The following ELFN2 variants were observed in gnomAD, a reference collection of about 807,000 sequenced individuals.
ELFN2 encodes extracellular leucine rich repeat and fibronectin type III domain containing 2.
In ELFN2, 17 loss-of-function variants were observed where a neutral mutation model predicts 45.5. The ratio of observed to expected loss-of-function variants is 0.37; its 90% CI spans 0.26 to 0.56. The LOEUF is 0.56. Ranked by LOEUF, ELFN2 falls within the 20% of genes least tolerant of loss-of-function variation. ELFN2 has a pLI of 0.77. For missense variants in ELFN2, 922 were observed against 1,183.2 expected, an observed-to-expected ratio of 0.78 and a Z score of 3.24; for synonymous variants, 550 against 551.5, an observed-to-expected ratio of 1.00 and a Z score of 0.04.
At chr22:37,423,977 G>A (rs1932829677) in intron 1 of ELFN2, among the ~76,000 whole-genome samples, 1 of 152,188 alleles carries the variant, frequency 6.6e-6, no homozygotes, top group Non-Finnish European at 1.5e-5. Context: ...GGAGGCAGAG[G>A]ACTGGGTAAA....
chr22:37,423,830 A>G (rs1932828367), intron 1 of ELFN2, among the ~76,000 whole-genome samples: 1 of 152,028 alleles, frequency 6.6e-6, no homozygotes, highest in African/African-American at 2.4e-5. Context: ...CTGTCGGCAG[A>G]GCTAGGGGGA....
chr22:37,363,801 G>A (rs527298128), downstream of ELFN2, among the ~76,000 whole-genome samples: 24 of 152,344 alleles, frequency 1.6e-4, no homozygotes, highest in South Asian at 4.6e-3. Context: ...CAATGGCTGA[G>A]CTCCCAGAAC....
At position 37,374,067 on chromosome 22, in the gene ELFN2, C is replaced by T. The variant is rs745351154; in HGVS notation, c.1468G>A (p.Gly490Arg). 1.6e-5 allele frequency: 26 copies of T among 1,613,058 alleles called. No individual in the cohort carries two copies. Among genetic ancestry groups the T allele is most frequent in the East Asian group, 2.2e-5 (1 of 44,890 alleles). The part of the protein sequence containing the change: ...KLPTAKGLEA[G>R]LDTPKVATKG... The stretch of plus-strand genomic sequence containing the variant: ...GTGGCTACCTTGGGTGTGTCCAGCC[C>T]GGCCTCCAACCCCTTGGCGGTGGGC... The change falls in exon 3 of 3, where the codon GGG becomes AGG. Residue 490 changes from glycine to arginine, a missense_variant. By Grantham distance (125) the Gly-to-Arg change is moderately radical (BLOSUM62 -2). This residue lies in a region of ELFN2 where 564 missense variants were observed against 642.8 expected (regional missense o/e 0.88). Transcript: ENST00000402918.
At chr22:37,418,442 G>T (rs973488069) in intron 1 of ELFN2, among the ~76,000 whole-genome samples, 3 of 152,006 alleles carry the variant, frequency 2.0e-5, no homozygotes, top group African/African-American at 4.8e-5. Context: ...GAACCAAGGG[G>T]CCCCCACTCC....
At position 37,373,609 on chromosome 22, in the gene ELFN2, G is replaced by A. The variant is rs774508243; in HGVS notation, c.1926C>T (p.Val642=). The part of the protein sequence containing the change: ...SSSGSIKSAK[V]FSLDVPDHPA... ...GATGGTCGGGCACGTCCAGGCTAAA[G>A]ACCTTGGCGCTCTTGATGGAACCAC... is the stretch of plus-strand genomic sequence containing the variant. Residue 642 remains valine, a synonymous_variant, in exon 3 of 3, where the codon GTC becomes GTT. Transcript: ENST00000402918. 7 of 1,606,794 alleles carry A rather than the reference G, an allele frequency of 4.4e-6. No homozygotes were observed. The South Asian group carries it at 7.8e-5, about 18-fold the overall frequency.
intron 2 of ELFN2, among the ~76,000 whole-genome samples, chr22:37,383,874 C>T (rs1046146714): frequency 5.9e-5 from 9 of 152,208 alleles, no homozygotes; most frequent in Non-Finnish European, 1.2e-4. Context: ...GGTGTAACCT[C>T]AGCCAAAGAA....
At chr22:37,349,009 G>A (rs929231564) in intron 1 of ELFN2, among the ~76,000 whole-genome samples, 4 of 151,054 alleles carry the variant, frequency 2.6e-5, no homozygotes, top group African/African-American at 4.8e-5. Flanking sequence ...GTGCATGCTG[G>A]GCGCTTTTCA....
intron 1 of ELFN2, among the ~76,000 whole-genome samples, chr22:37,344,427 T>C (rs1930647164): frequency 1.3e-5 from 2 of 151,564 alleles, no homozygotes; most frequent in African/African-American, 2.4e-5. Flanking sequence ...TCGCCGGCTC[T>C]CAGCGCCAGG....
chr22:37,359,146 G>A (rs930171943), intron 1 of ELFN2, among the ~76,000 whole-genome samples: 16 of 152,192 alleles, frequency 1.1e-4, no homozygotes, highest in African/African-American at 3.9e-4. Flanking sequence ...ATCCAAGAGA[G>A]AGATGGAGAC....
Position 37,343,134 on chromosome 22 carries a change from A to G in ELFN2, n.149-431T>C, listed in dbSNP as rs73408369. Among the ~76,000 whole-genome samples, 403 of 152,206 alleles carry G rather than the reference A, an allele frequency of 2.6e-3. 3 individuals are homozygous for G. The highest frequency in any genetic ancestry group is 9.1e-3 in the African/African-American group (378 of 41,570). ...AGAGGGACCGGAACTTGCCGAGGAC[A>G]CACAGTGAGGCCACAGCAGGGCGGC... On this transcript the variant is annotated intron_variant and non_coding_transcript_variant, in intron 1 of 2. Transcript: ENST00000452946.
rs973559600 is a variant in ELFN2 at position 37,369,515 on chromosome 22, G to A, written c.*3557C>T. The A allele has an allele frequency of 3.3e-5, 5 of 152,192 alleles. No individual in the cohort carries two copies. The highest frequency in any genetic ancestry group is 1.3e-4 in the Admixed American group (2 of 15,284). The allele number at this position is 152,192 out of a possible 1,614,324, so 9.4% of individuals were successfully genotyped here. A position where few individuals can be genotyped will look rare whatever the true frequency, so the allele number is the denominator to read the frequency against. ...GGCAGAGAGAGACTCTTCCTGCCGC[G>A]GGGAAAAGCAAGGCCGGGACCCGTG... On this transcript the variant is annotated 3_prime_UTR_variant, in exon 3 of 3. Transcript: ENST00000402918.
rs575983977 is a variant in ELFN2 at position 37,398,527 on chromosome 22, C to T, written c.-463+19242G>A. 2.6e-5 allele frequency among the ~76,000 whole-genome samples: 4 copies of T among 151,936 alleles called. No homozygotes were observed. In the South Asian group the frequency reaches 8.4e-4, roughly 32 times the overall value. On this transcript the variant is annotated intron_variant, in intron 2 of 2. Transcript: ENST00000402918. ...CCCAGCACAGCAGTCTCCTAACTGA[C>T]TGTCGCCTACCCTGCCTCAGCCCAT...
intron 1 of ELFN2, chr22:37,353,964 T>C (rs994519792): frequency 6.6e-6 from 1 of 152,166 alleles, no homozygotes; most frequent in Non-Finnish European, 1.5e-5. Context: ...TGTGAAAGAA[T>C]GCTCATACCA....
At chr22:37,381,431 A>G (rs545155738) in intron 2 of ELFN2, among the ~76,000 whole-genome samples, 103 of 151,940 alleles carry the variant, frequency 6.8e-4, no homozygotes, top group Non-Finnish European at 1.3e-3. Context: ...TCAAACCCCT[A>G]GGCACACTCC....
At chr22:37,377,631 C>T (rs1258416445) in intron 2 of ELFN2, among the ~76,000 whole-genome samples, 1 of 152,200 alleles carries the variant, frequency 6.6e-6, no homozygotes, top group African/African-American at 2.4e-5. Context: ...GATAGGTGAA[C>T]AGGGAGTCCA....
In ELFN2 at chr22:37,374,077, C is replaced by A; in HGVS notation, c.1458G>T (p.Gly486=). Residue 486 remains glycine (G), a synonymous_variant, in exon 3 of 3, where the codon GGG becomes GGT. Transcript: ENST00000402918. The part of the protein sequence containing the change: ...MIGEKLPTAK[G]LEAGLDTPKV... Reference sequence around the variant, plus strand: ...TGGGTGTGTCCAGCCCGGCCTCCAACCCCTTGGCGGTGGGCAGCTTCTCCC... The same window carrying A: ...TGGGTGTGTCCAGCCCGGCCTCCAAACCCTTGGCGGTGGGCAGCTTCTCCC... The A allele has an allele frequency of 1.2e-6, 2 of 1,613,260 alleles. No individual in the cohort carries two copies. The highest frequency in any genetic ancestry group is 1.7e-6 in the Non-Finnish European group (2 of 1,180,040).
chr22:37,400,309 C>G (rs928913201), intron 2 of ELFN2, among the ~76,000 whole-genome samples: 1 of 152,148 alleles, frequency 6.6e-6, no homozygotes, highest in Non-Finnish European at 1.5e-5. Flanking sequence ...GAGCTGCCCC[C>G]ACTGACACGG....
intron 1 of ELFN2, among the ~76,000 whole-genome samples, chr22:37,426,468 G>T (rs1193813571): frequency 6.6e-6 from 1 of 151,622 alleles, no homozygotes; most frequent in Non-Finnish European, 1.5e-5. Context: ...CAGAGAGCAG[G>T]GTCCACCCCA....
At chr22:37,415,569 A>G (rs540296149) in intron 2 of ELFN2, among the ~76,000 whole-genome samples, 3 of 152,300 alleles carry the variant, frequency 2.0e-5, no homozygotes, top group African/African-American at 7.2e-5. Flanking sequence ...CCGTACTCCC[A>G]CCACTAAGGG....
Sources: gnomAD v4.1 joint callset for allele counts (sites outside exome capture counted in the v4.1 genomes callset) on GRCh38, gnomAD v4.1.1 for gene constraint, gnomAD v4.1.1 regional missense constraint, MANE v1.5 for transcripts, NCBI Gene and HGNC (gene_info 2026-07-23, HGNC 2026-07-21) for gene names.